The following MAPK10 variants were observed in gnomAD, a reference collection of about 807,000 sequenced individuals.
MAPK10 encodes mitogen-activated protein kinase 10.
MAPK10 carries 25 observed loss-of-function variants against 59.3 expected under a neutral mutation model. The observed-to-expected ratio is 0.42, with a 90% CI of 0.31 to 0.59. MAPK10 has a LOEUF of 0.59. Among genes scored for constraint, MAPK10 ranks in the 20% least tolerant of loss-of-function variants. MAPK10 has a pLI of 0.15. For missense variants in MAPK10, 351 were observed against 568.9 expected (o/e 0.62, Z 3.90); for synonymous variants, 190 against 200.5 (o/e 0.95, Z 0.44).
intron 2 of MAPK10, among the ~76,000 whole-genome samples, chr4:86,246,707 C>T (rs115950334): frequency 0.045 from 6,850 of 152,118 alleles, 204 homozygotes; most frequent in African/African-American, 0.072. Flanking sequence ...ATGAAGAAAC[C>T]GAGAGTCAGC....
At chr4:86,076,823 G>T (rs1169365202) in intron 9 of MAPK10, among the ~76,000 whole-genome samples, 1 of 152,076 alleles carries the variant, frequency 6.6e-6, no homozygotes, top group Admixed American at 6.5e-5. Flanking sequence ...TTTAAAGAAT[G>T]ACCAAAACCA....
At chr4:86,412,763 G>C (rs557500005) in intron 1 of MAPK10, among the ~76,000 whole-genome samples, 3 of 152,212 alleles carry the variant, frequency 2.0e-5, no homozygotes, top group African/African-American at 7.2e-5. Context: ...GGTCATTTAA[G>C]GTCTTCTCTA....
At chr4:86,068,192 TATC>T (rs1366604970) in intron 9 of MAPK10, among the ~76,000 whole-genome samples, 6 of 152,210 alleles carry the variant, frequency 3.9e-5, no homozygotes, top group Admixed American at 6.5e-5. Flanking sequence ...CAAAATAAGA[TATC>T]ATGAAATAGT....
At chr4:86,125,045 A>C (rs1018425812) in intron 4 of MAPK10, 5 of 152,030 alleles carry the variant, frequency 3.3e-5, no homozygotes, top group Non-Finnish European at 7.4e-5. Flanking sequence ...AAAATACATT[A>C]GAATTAAAAA....
intron 1 of MAPK10, among the ~76,000 whole-genome samples, chr4:86,558,407 C>G (rs542395380): frequency 8.5e-5 from 13 of 152,248 alleles, no homozygotes; most frequent in Admixed American, 3.9e-4. Flanking sequence ...TTAATTCTCA[C>G]CACACCCCTC....
chr4:86,446,166 T>C (rs1750012323), intron 1 of MAPK10, among the ~76,000 whole-genome samples: 1 of 152,120 alleles, frequency 6.6e-6, no homozygotes, highest in Admixed American at 6.5e-5. Context: ...ACAAGGTACT[T>C]GTATTATCTG....
chr4:86,284,065 C>G (rs2148805847), intron 2 of MAPK10, among the ~76,000 whole-genome samples: 1 of 152,226 alleles, frequency 6.6e-6, no homozygotes, highest in East Asian at 1.9e-4. Flanking sequence ...CCTCCTTTCT[C>G]TTTTCAACAA....
chr4:86,169,819 G>C (rs941381869), intron 3 of MAPK10, among the ~76,000 whole-genome samples: 4 of 151,900 alleles, frequency 2.6e-5, no homozygotes, highest in African/African-American at 9.7e-5. Context: ...AGAGAGAAAG[G>C]TCGGGTTACC....
intron 1 of MAPK10, among the ~76,000 whole-genome samples, chr4:86,548,134 G>GT (rs1323150310): frequency 2.0e-5 from 3 of 152,122 alleles, no homozygotes; most frequent in Admixed American, 1.3e-4. Flanking sequence ...TTTATGAGCT[G>GT]TAACACTCAC....
chr4:86,191,650 C>A (rs190207346), intron 3 of MAPK10: 35 of 125,010 alleles, frequency 2.8e-4, no homozygotes, highest in African/African-American at 9.9e-4. Flanking sequence ...CTATATGTGT[C>A]TTTGCATGTG....
chr4:86,366,920 T>G (rs1578927783), intron 1 of MAPK10, among the ~76,000 whole-genome samples: 1 of 152,166 alleles, frequency 6.6e-6, no homozygotes, highest in African/African-American at 2.4e-5. Flanking sequence ...GCATTTCTCA[T>G]GTTCTAACAC....
chr4:86,263,027 T>C (rs1265351675), intron 2 of MAPK10, among the ~76,000 whole-genome samples: 1 of 152,188 alleles, frequency 6.6e-6, no homozygotes, highest in Non-Finnish European at 1.5e-5. Flanking sequence ...TCCCTACCTG[T>C]GTGGTGAATC....
intron 2 of MAPK10, among the ~76,000 whole-genome samples, chr4:86,303,435 GA>G (rs112744736): frequency 9.3e-5 from 14 of 150,850 alleles, no homozygotes; most frequent in African/African-American, 2.9e-4. Flanking sequence ...ATATAAAGAT[GA>G]AAAAAAAAGT....
At chr4:86,330,426 T>A (rs576916910) in intron 2 of MAPK10, among the ~76,000 whole-genome samples, 111 of 152,308 alleles carry the variant, frequency 7.3e-4, no homozygotes, top group African/African-American at 2.6e-3. Context: ...GGTTTGTCTG[T>A]GTCTTCACCC....
rs1352055514 is a variant in MAPK10 at position 86,031,391 on chromosome 4, T to A, written c.1151A>T (p.Glu384Val). 2 of 1,612,688 alleles carry A rather than the reference T, an allele frequency of 1.2e-6. No homozygotes were observed. The highest frequency in any genetic ancestry group is 1.7e-6 in the Non-Finnish European group (2 of 1,178,960). The change falls in exon 12 of 14, where the codon GAA (glutamate) becomes GTA (valine). Residue 384 changes from glutamate (E) to valine (V), a missense_variant. Physicochemically the swap from Glu to Val is moderately radical, Grantham distance 121. Coordinates refer to ENST00000641462, the MANE Select transcript of MAPK10 (RefSeq NM_138982.4). Reference protein sequence around the residue: ...QIYDKQLDEREHTIEEWKELI... With the variant: ...QIYDKQLDERVHTIEEWKELI... ...ACCTTTCCATTCTTCAATTGTGTGTTCTCTTTCATCCAACTGCTTGTCATA... is the reference window on the plus strand; with the variant it reads ...ACCTTTCCATTCTTCAATTGTGTGTACTCTTTCATCCAACTGCTTGTCATA...
At chr4:86,075,049 G>T (rs899189790) in intron 9 of MAPK10, among the ~76,000 whole-genome samples, 6 of 148,728 alleles carry the variant, frequency 4.0e-5, no homozygotes, top group Non-Finnish European at 6.0e-5. Context: ...CCTAGATTTG[G>T]TCTTTTCATA....
At chr4:86,192,932 T>C (rs1183180134) in intron 3 of MAPK10, 1 of 152,174 alleles carries the variant, frequency 6.6e-6, no homozygotes, top group East Asian at 1.9e-4. Flanking sequence ...TGGTTTTTGA[T>C]GCTGATGACC....
At chr4:86,539,612 G>A (rs1758518754) in intron 1 of MAPK10, among the ~76,000 whole-genome samples, 1 of 152,084 alleles carries the variant, frequency 6.6e-6, no homozygotes, top group Non-Finnish European at 1.5e-5. Context: ...AACTAATGAG[G>A]GCTGCAAGAG....
At chr4:86,066,942 T>C (rs865783648) in intron 10 of MAPK10, among the ~76,000 whole-genome samples, 2 of 152,092 alleles carry the variant, frequency 1.3e-5, no homozygotes, top group African/African-American at 4.8e-5. Context: ...TTATGCTCTT[T>C]TCCAAACACA....
Sources: allele counts gnomAD v4.1 joint callset (sites outside exome capture counted in the v4.1 genomes callset), GRCh38; gene constraint gnomAD v4.1.1; transcripts MANE v1.5; gene names NCBI Gene and HGNC (gene_info 2026-07-23, HGNC 2026-07-21).